Variants in TNKS observed in about 807,000 individuals in gnomAD.
TNKS encodes the protein tankyrase.
TNKS carries 72 observed loss-of-function variants against 135.8 expected under a neutral mutation model. The ratio of observed to expected loss-of-function variants is 0.53; its 90% CI spans 0.44 to 0.64. The LOEUF is 0.64. TNKS is among the 30% of genes least tolerant of loss of function. The pLI, the probability that TNKS is intolerant of heterozygous loss-of-function variation, is 0.00. For missense variants in TNKS, 1,769 were observed against 1,674.0 expected, an observed-to-expected ratio of 1.06 and a Z score of -0.99; for synonymous variants, 849 against 649.3, an observed-to-expected ratio of 1.31 and a Z score of -4.68.
At chr8:9,672,721 A>AAAAAAAC (rs1554466626) in intron 3 of TNKS, among the ~76,000 whole-genome samples, 2 of 147,648 alleles carry the variant, frequency 1.4e-5, no homozygotes, top group African/African-American at 5.1e-5. Flanking sequence ...CAAAAAAAAA[A>AAAAAAAC]AAACAAACTA....
chr8:9,712,428 T>C (rs1294203942), intron 11 of TNKS, among the ~76,000 whole-genome samples: 1 of 151,774 alleles, frequency 6.6e-6, no homozygotes, highest in Non-Finnish European at 1.5e-5. Flanking sequence ...TGCAGTGAGG[T>C]ATGATCATAC....
At chr8:9,608,030 C>G (rs1032881721) in intron 2 of TNKS, among the ~76,000 whole-genome samples, 1 of 152,130 alleles carries the variant, frequency 6.6e-6, no homozygotes, top group African/African-American at 2.4e-5. Flanking sequence ...GCCTTCACCT[C>G]CTGAGGCTCA....
intron 3 of TNKS, among the ~76,000 whole-genome samples, chr8:9,619,149 A>G (rs986851095): frequency 6.6e-6 from 1 of 152,188 alleles, no homozygotes; most frequent in African/African-American, 2.4e-5. Context: ...TGGACATGGT[A>G]GATACCTCTG....
chr8:9,616,224 T>C (rs189592271), intron 3 of TNKS, among the ~76,000 whole-genome samples: 10 of 152,280 alleles, frequency 6.6e-5, no homozygotes, highest in African/African-American at 2.4e-4. Flanking sequence ...TGCAAATTTG[T>C]GGCTTAAATA....
intron 2 of TNKS, 40 bp downstream of exon 2, chr8:9,580,423 T>C (rs538903139): frequency 1.3e-5 from 20 of 1,574,138 alleles, no homozygotes; most frequent in East Asian, 2.2e-5. Flanking sequence ...TAAATAAAGG[T>C]TTATTCTTAC....
intron 3 of TNKS, among the ~76,000 whole-genome samples, chr8:9,638,588 G>A (rs993461762): frequency 8.5e-5 from 13 of 152,316 alleles, no homozygotes; most frequent in African/African-American, 2.9e-4. Flanking sequence ...GAGAATAGGA[G>A]AAATTATTCT....
chr8:9,580,190 A>C lies in TNKS; in HGVS notation c.705A>C (p.Leu235Phe), dbSNP rs746509781. The change falls in exon 2 of 27, where the codon TTA becomes TTC. Residue 235 changes from leucine (L) to phenylalanine (F), a missense_variant. Leu to Phe is a conservative substitution (Grantham distance 22). Transcript: ENST00000310430. ...GFGRKDVVEH[L>F]LQMGANVHAR... ...GAAGGAAGGATGTTGTAGAACACTT[A>C]CTACAGATGGGTGCTAATGTCCACG... 1 of 1,614,140 alleles carries C rather than the reference A, an allele frequency of 6.2e-7. No individual in the cohort carries two copies. The highest frequency in any genetic ancestry group is 8.5e-7 in the Non-Finnish European group (1 of 1,179,996).
chr8:9,735,373 A>AT lies in TNKS; in HGVS notation c.2534-3dup. ...GTTTCCTGTATTTTTTTTACTCTAA[A>AT]TAGCAGGCTATAATAACCTGGAAGT... On this transcript the variant is annotated splice_region_variant and splice_polypyrimidine_tract_variant and intron_variant, in intron 16 of 26. Coordinates refer to ENST00000310430, the MANE Select transcript of TNKS (RefSeq NM_003747.3). 2 of 1,612,536 alleles carry AT rather than the reference A, an allele frequency of 1.2e-6. No homozygotes were observed. Among genetic ancestry groups the AT allele is most frequent in the Non-Finnish European group, 1.7e-6 (2 of 1,178,776 alleles).
intron 3 of TNKS, among the ~76,000 whole-genome samples, chr8:9,676,471 A>G (rs149645749): frequency 1.4e-3 from 213 of 152,288 alleles, no homozygotes; most frequent in African/African-American, 4.8e-3. Flanking sequence ...AGCACTTACA[A>G]TGTTAAAATT....
At chr8:9,645,514 G>A (rs532810579) in intron 3 of TNKS, among the ~76,000 whole-genome samples, 4 of 152,240 alleles carry the variant, frequency 2.6e-5, no homozygotes, top group African/African-American at 7.2e-5. Context: ...TCACTCTGAC[G>A]TCTAAATTTA....
At chr8:9,736,330 C>G (rs1273705378) in intron 17 of TNKS, among the ~76,000 whole-genome samples, 1 of 115,030 alleles carries the variant, frequency 8.7e-6, no homozygotes, top group Non-Finnish European at 1.7e-5. Context: ...CCACCCTGAT[C>G]AACATAGTGA....
At position 9,708,784 on chromosome 8, in the gene TNKS, T is replaced by A. The variant is rs117250987; in HGVS notation, c.1578+292T>A. On this transcript the variant is annotated intron_variant, in intron 9 of 26. Transcript: ENST00000310430. ...CAGTGCTTTCATAAACTACAAGATA[T>A]GATTTTTCAATAGAATTTTTTTTTC... is the stretch of plus-strand genomic sequence containing the variant. 5.0e-3 allele frequency among the ~76,000 whole-genome samples: 759 copies of A among 152,268 alleles called. 2 individuals are homozygous for A. The highest frequency in any genetic ancestry group is 8.6e-3 in the Non-Finnish European group (584 of 67,982).
chr8:9,660,848 A>G (rs1452358722), intron 3 of TNKS, among the ~76,000 whole-genome samples: 1 of 152,166 alleles, frequency 6.6e-6, no homozygotes, highest in Non-Finnish European at 1.5e-5. Context: ...CCATCGTTTC[A>G]GCCCAAAATC....
chr8:9,690,536 G>A (rs920779685), intron 5 of TNKS, among the ~76,000 whole-genome samples: 1 of 152,114 alleles, frequency 6.6e-6, no homozygotes, highest in African/African-American at 2.4e-5. Flanking sequence ...GAGGCGGGTG[G>A]ATCATTTGAG....
chr8:9,610,945 G>A (rs1799438891), intron 2 of TNKS, among the ~76,000 whole-genome samples: 1 of 152,198 alleles, frequency 6.6e-6, no homozygotes, highest in Non-Finnish European at 1.5e-5. Flanking sequence ...TTATGCAAAT[G>A]CTTAACTTGA....
chr8:9,631,762 A>ATT (rs61251441), intron 3 of TNKS, among the ~76,000 whole-genome samples: 2,162 of 135,306 alleles, frequency 0.016, 48 homozygotes, highest in African/African-American at 0.055. Flanking sequence ...TGGTTGGTTG[A>ATT]TTTTTTTTTT....
chr8:9,573,032 G>GTA (rs35844817), intron 1 of TNKS, among the ~76,000 whole-genome samples: 36,968 of 148,760 alleles, frequency 0.25, 4,579 homozygotes, highest in East Asian at 0.4. Context: ...TATGTTATAT[G>GTA]TATATATATA....
chr8:9,709,846 A>G, intron 9 of TNKS, 109 bp from the exon 10 acceptor site: 1 of 763,518 alleles, frequency 1.3e-6, no homozygotes, highest in African/African-American at 1.7e-5. Context: ...ATATGTTCTG[A>G]TACTCTGAGA....
Position 9,761,719 on chromosome 8 carries a change from T to A in TNKS, c.3274+83T>A, listed in dbSNP as rs974772011. 2.1e-6 allele frequency: 3 copies of A among 1,427,828 alleles called. No individual in the cohort carries two copies. In the East Asian group the frequency reaches 7.2e-5, roughly 34 times the overall value. The allele number at this position is 1,427,828 out of a possible 1,614,324, so 88.4% of individuals were successfully genotyped here. A position where few individuals can be genotyped will look rare whatever the true frequency, so the allele number is the denominator to read the frequency against. On this transcript the variant is annotated intron_variant, in intron 21 of 26. Transcript: ENST00000310430. ...GGGGCTGATAATTGAACTCAGGCAG[T>A]CCAGTCCCAGAACCATACACTGAAC...
Sources: gnomAD v4.1 joint callset for allele counts (sites outside exome capture counted in the v4.1 genomes callset) on GRCh38, gnomAD v4.1.1 for gene constraint, MANE v1.5 for transcripts, NCBI Gene and HGNC (gene_info 2026-07-23, HGNC 2026-07-21) for gene names.